CDC42EP4: variants seen among roughly 807,000 people sequenced by gnomAD.
The protein encoded by CDC42EP4 is CDC42 effector protein 4.
Under a neutral mutation model 5.6 loss-of-function variants are expected in CDC42EP4, and 6 were observed. That is an observed-to-expected ratio of 1.07 (90% CI 0.59 to 2.12). CDC42EP4 has a LOEUF of 2.12. CDC42EP4 is among the 30% of genes most tolerant of loss of function. The pLI, the probability that CDC42EP4 is intolerant of heterozygous loss-of-function variation, is 0.00. For synonymous variants in CDC42EP4, 230 were observed against 224.2 expected, an observed-to-expected ratio of 1.03 and a Z score of -0.23; for missense variants, 490 against 508.6, an observed-to-expected ratio of 0.96 and a Z score of 0.35.
intron 1 of CDC42EP4, among the ~76,000 whole-genome samples, chr17:73,299,714 G>T (rs146886884): frequency 1.6e-4 from 24 of 152,274 alleles, no homozygotes; most frequent in African/African-American, 5.8e-4. Context: ...GGTGTCTGCA[G>T]CTGAGGATGT....
In CDC42EP4 at chr17:73,285,628, G is replaced by A. The variant is rs964161948; in HGVS notation, c.873C>T (p.Pro291=). The change falls in exon 2 of 2, where the codon CCC becomes CCT. Residue 291 remains proline, a synonymous_variant. Transcript: ENST00000335793. This position sits in a 1 kb window ranked among gnomAD's most constrained non-coding sequence, Gnocchi z 6.8. ...CCATGCTGCGGGCTGAGCCGGGGCT[G>A]GGGGCCGCTGCTGCCCACCCCTCAT... ...LEDEGWAAAA[P]SPGSARSMGS... is the part of the protein sequence containing the mutation. 22 of 1,601,336 alleles carry A rather than the reference G, an allele frequency of 1.4e-5. No individual in the cohort carries two copies. In the African/African-American group the frequency reaches 2.8e-4, roughly 20 times the overall value.
intron 1 of CDC42EP4, among the ~76,000 whole-genome samples, chr17:73,309,556 G>A (rs761915918): frequency 8.6e-5 from 13 of 151,950 alleles, no homozygotes; most frequent in Non-Finnish European, 1.3e-4. Flanking sequence ...GGACAAGCAC[G>A]GTGGGTGGGC....
At position 73,296,144 on chromosome 17, in the gene CDC42EP4, G is replaced by A. The variant is rs180899363; in HGVS notation, c.-112-9532C>T. 8.8e-4 allele frequency among the ~76,000 whole-genome samples: 134 copies of A among 151,630 alleles called. 4 individuals carry two copies. The highest frequency in any genetic ancestry group is 3.4e-3 in the Middle Eastern group (1 of 294). ...CTCACGCCTGTAATCCCAGCACTTT[G>A]GGAGGCCGAGGCGGGTGGACCACGA... is the stretch of plus-strand genomic sequence containing the variant. On this transcript the variant is annotated intron_variant, in intron 1 of 1. Coordinates refer to ENST00000335793, the MANE Select transcript of CDC42EP4 (RefSeq NM_012121.5).
intron 1 of CDC42EP4, among the ~76,000 whole-genome samples, chr17:73,303,092 C>A (rs2062227273): frequency 6.6e-6 from 1 of 151,012 alleles, no homozygotes; most frequent in Non-Finnish European, 1.5e-5. Context: ...GCCTGTAATC[C>A]CAGAACTTTG....
intron 1 of CDC42EP4, among the ~76,000 whole-genome samples, chr17:73,297,001 A>AACAAACAAACAAAAAAAAAACAC (rs1555741521): frequency 1.6e-5 from 1 of 61,734 alleles, no homozygotes; most frequent in African/African-American, 5.3e-5. Flanking sequence ...AAAAAAAAAA[A>AACAAACAAACAAAAAAAAAACAC]AAATACACAA....
In CDC42EP4 at chr17:73,284,248, GA is replaced by G. The variant is rs1174926026; in HGVS notation, c.*1181del. On this transcript the variant is annotated 3_prime_UTR_variant, in exon 2 of 2. Transcript: ENST00000335793. ...CTCAAAAGTCGGTGGGGGGAGGCCT[GA>G]GAAAAGAAAGGGAAGTAGTCAGTAC... 1.3e-5 allele frequency: 2 copies of G among 151,938 alleles called. No individual in the cohort carries two copies. Among genetic ancestry groups the G allele is most frequent in the Non-Finnish European group, 2.9e-5 (2 of 68,014 alleles). 9.4% of individuals were successfully genotyped at this position (151,938 alleles called of 1,614,324 possible).
intron 1 of CDC42EP4, among the ~76,000 whole-genome samples, chr17:73,303,737 CAT>C (rs2062231305): frequency 6.6e-6 from 1 of 152,164 alleles, no homozygotes; most frequent in East Asian, 1.9e-4. Flanking sequence ...CATAAAATTC[CAT>C]ATGTGACTAG....
chr17:73,304,519 T>C (rs1313568795), intron 1 of CDC42EP4, among the ~76,000 whole-genome samples: 2 of 151,926 alleles, frequency 1.3e-5, no homozygotes, highest in Non-Finnish European at 2.9e-5. Context: ...CATCCCCAGC[T>C]CACAGATAAG....
At chr17:73,289,695 A>G (rs1188087790) in intron 1 of CDC42EP4, among the ~76,000 whole-genome samples, 2 of 96,332 alleles carry the variant, frequency 2.1e-5, no homozygotes, top group African/African-American at 6.5e-5. Flanking sequence ...ATGGGCTCCT[A>G]GGCAAAACTC....
At chr17:73,291,864 CAGA>C (rs1258880924) in intron 1 of CDC42EP4, among the ~76,000 whole-genome samples, 1 of 152,192 alleles carries the variant, frequency 6.6e-6, no homozygotes, top group Non-Finnish European at 1.5e-5. Context: ...GAGCCCTCCC[CAGA>C]AGGTCAGGCC....
Position 73,285,392 on chromosome 17 carries a change from T to C in CDC42EP4, c.*38A>G, listed in dbSNP as rs748089447. 3 of 1,486,862 alleles carry C rather than the reference T, an allele frequency of 2.0e-6. No individual in the cohort carries two copies. The highest frequency in any genetic ancestry group is 2.7e-6 in the Non-Finnish European group (3 of 1,097,654). 92.1% of individuals were successfully genotyped at this position (1,486,862 alleles called of 1,614,324 possible). A position where few individuals can be genotyped will look rare whatever the true frequency, so the allele number is the denominator to read the frequency against. On this transcript the variant is annotated 3_prime_UTR_variant, in exon 2 of 2. Transcript: ENST00000335793. The surrounding 1 kb of genome is among the most constrained non-coding windows in gnomAD (Gnocchi z 6.8). Reference sequence around the variant, plus strand: ...TAGTGGGGTGGGGGCAGGGAGAAGATGCAGCCAAGAGCTCCCGGTGGCCAC... The same window carrying C: ...TAGTGGGGTGGGGGCAGGGAGAAGACGCAGCCAAGAGCTCCCGGTGGCCAC...
chr17:73,303,945 T>C (rs2062232190), intron 1 of CDC42EP4, among the ~76,000 whole-genome samples: 1 of 152,250 alleles, frequency 6.6e-6, no homozygotes, highest in Admixed American at 6.5e-5. Context: ...TAAAATAATT[T>C]ACCCTTTAAT....
chr17:73,296,514 C>A (rs1287042626), intron 1 of CDC42EP4, among the ~76,000 whole-genome samples: 1 of 151,762 alleles, frequency 6.6e-6, no homozygotes, highest in Admixed American at 6.6e-5. Flanking sequence ...TAACTCAGAG[C>A]ACCATTCAGC....
At position 73,302,248 on chromosome 17, in the gene CDC42EP4, T is replaced by C. The variant is rs61392404; in HGVS notation, c.-113+9645A>G. Among the ~76,000 whole-genome samples, 1,224 of 152,330 alleles carry C rather than the reference T, an allele frequency of 8.0e-3. 18 individuals are homozygous for C. The highest frequency in any genetic ancestry group is 0.027 in the African/African-American group (1,142 of 41,572). On this transcript the variant is annotated intron_variant, in intron 1 of 1. Transcript: ENST00000335793. ...GAATCTTTTGGGCTTTGGAAGTGGA[T>C]AAGCTCATCATCTGCAACTAATAAT...
At chr17:73,292,825 TAA>T (rs970250836) in intron 1 of CDC42EP4, among the ~76,000 whole-genome samples, 82 of 152,330 alleles carry the variant, frequency 5.4e-4, no homozygotes, top group African/African-American at 1.8e-3. Context: ...CCAGGCCACA[TAA>T]AGAGTTCTGT....
chr17:73,290,378 A>C (rs565845070), intron 1 of CDC42EP4, among the ~76,000 whole-genome samples: 58 of 152,286 alleles, frequency 3.8e-4, no homozygotes, highest in Non-Finnish European at 6.9e-4. Context: ...GGTACAGAGA[A>C]GGGGGTACCC....
At chr17:73,289,887 G>A (rs898763955) in intron 1 of CDC42EP4, among the ~76,000 whole-genome samples, 3 of 151,574 alleles carry the variant, frequency 2.0e-5, no homozygotes, top group Admixed American at 2.0e-4. Flanking sequence ...AGCAAGGAAG[G>A]AAAGAAAGAG....
At chr17:73,299,883 C>A (rs1265317919) in intron 1 of CDC42EP4, among the ~76,000 whole-genome samples, 1 of 152,152 alleles carries the variant, frequency 6.6e-6, no homozygotes, top group Non-Finnish European at 1.5e-5. Flanking sequence ...CCCAGGAGCC[C>A]ATTCCCACTT....
intron 1 of CDC42EP4, among the ~76,000 whole-genome samples, chr17:73,302,814 G>A (rs571828459): frequency 2.6e-5 from 4 of 151,816 alleles, no homozygotes; most frequent in African/African-American, 4.8e-5. Context: ...AGGCCGAGGC[G>A]GGCGGATCAC....
Sources: allele counts gnomAD v4.1 joint callset (sites outside exome capture counted in the v4.1 genomes callset), GRCh38; gene constraint gnomAD v4.1.1; non-coding constraint Gnocchi (gnomAD v3.1); transcripts MANE v1.5; gene names NCBI Gene and HGNC (gene_info 2026-07-23, HGNC 2026-07-21).